The following PCDHGB3 variants were observed in gnomAD, a reference collection of about 807,000 sequenced individuals.
The protein encoded by PCDHGB3 is protocadherin gamma subfamily B, 3, also known as protocadherin gamma-B3.
In PCDHGB3, 40 loss-of-function variants were observed where a neutral mutation model predicts 59.2. That is an observed-to-expected ratio of 0.68 (90% CI 0.52 to 0.88). The LOEUF is 0.88. Ranked by LOEUF, PCDHGB3 falls within the 40% of genes least tolerant of loss-of-function variation. The pLI is 0.00. For missense variants in PCDHGB3, 1,309 were observed against 1,187.9 expected (o/e 1.10, Z -1.50); for synonymous variants, 581 against 503.6 (o/e 1.15, Z -2.06).
intron 1 of PCDHGB3, among the ~76,000 whole-genome samples, chr5:141,450,782 C>T (rs1012152203): frequency 2.0e-5 from 3 of 151,350 alleles, no homozygotes; most frequent in East Asian, 1.9e-4. Flanking sequence ...CCACCGTGCC[C>T]GGACCTCATG....
chr5:141,373,227 T>A (rs545943961), intron 1 of PCDHGB3, among the ~76,000 whole-genome samples: 1 of 152,232 alleles, frequency 6.6e-6, no homozygotes. Flanking sequence ...AACCTGTATA[T>A]AATATTTTTA....
At chr5:141,383,657 A>G in intron 1 of PCDHGB3, 2 of 1,614,058 alleles carry the variant, frequency 1.2e-6, no homozygotes, top group Non-Finnish European at 1.7e-6. Context: ...ACTGTCCCCG[A>G]GAATGTGCCA....
rs1373502908 is a variant in PCDHGB3 at position 141,371,675 on chromosome 5, A to T, written c.1281A>T (p.Lys427Asn). The change falls in exon 1 of 4, where the codon AAA becomes AAT. Residue 427 changes from lysine (K) to asparagine (N), a missense_variant. Coordinates refer to ENST00000576222, the MANE Select transcript of PCDHGB3 (RefSeq NM_018924.5). Reference sequence around the variant, plus strand: ...ATGTGACGATCACAGCTACCGACAAAGGCAATCCACCGCTCTCCTCCAGCA... The same window carrying T: ...ATGTGACGATCACAGCTACCGACAATGGCAATCCACCGCTCTCCTCCAGCA... ...EYNVTITATDKGNPPLSSSKT... is the reference protein window; with the variant it reads ...EYNVTITATDNGNPPLSSSKT... 3 of 1,614,002 alleles carry T rather than the reference A, an allele frequency of 1.9e-6. No homozygotes were observed. Among genetic ancestry groups the T allele is most frequent in the South Asian group, 2.2e-5 (2 of 91,078 alleles).
At chr5:141,421,529 C>T in intron 1 of PCDHGB3, 1 of 1,614,020 alleles carries the variant, frequency 6.2e-7, no homozygotes, top group Non-Finnish European at 8.5e-7. Flanking sequence ...GAGACGGTGT[C>T]CTCCTGTTTT....
rs373421472 is a variant in PCDHGB3, at chr5:141,472,201, A to G, written c.2416-22606A>G. ...GTATTGGAATTTGAATCTTTTTGAC[A>G]CTAAGACCTTACTCTCGATCATATA... is the stretch of plus-strand genomic sequence containing the variant. On this transcript the variant is annotated intron_variant, in intron 1 of 3. Coordinates refer to ENST00000576222, the MANE Select transcript of PCDHGB3 (RefSeq NM_018924.5). Among the ~76,000 whole-genome samples the G allele has an allele frequency of 5.6e-4, 86 of 152,320 alleles. 2 individuals are homozygous for G. The South Asian group carries it at 0.017, about 30-fold the overall frequency.
At chr5:141,408,932 A>C in intron 1 of PCDHGB3, 1 of 1,613,594 alleles carries the variant, frequency 6.2e-7, no homozygotes, top group South Asian at 1.1e-5. Context: ...GGTTTTCAGC[A>C]GAGACGAATA....
At position 141,431,493 on chromosome 5, in the gene PCDHGB3, C is replaced by G. The variant is rs1281626711; in HGVS notation, c.2415+58684C>G. On this transcript the variant is annotated intron_variant, in intron 1 of 3. Transcript: ENST00000576222. The surrounding 1 kb of genome is among the most constrained non-coding windows in gnomAD (Gnocchi z 4.8). ...GACAACGCACCAGCGTTTGCTCAGC[C>G]CGAGTACCGCGCGAGCGTTCCGGAG... 1 of 1,613,994 alleles carries G rather than the reference C, an allele frequency of 6.2e-7. No individual in the cohort carries two copies. The highest frequency in any genetic ancestry group is 8.5e-7 in the Non-Finnish European group (1 of 1,180,042).
chr5:141,434,964 T>C (rs2154556462), intron 1 of PCDHGB3, among the ~76,000 whole-genome samples: 1 of 152,004 alleles, frequency 6.6e-6, no homozygotes, highest in East Asian at 1.9e-4. Context: ...ATTTATAAAA[T>C]TACTTTGTTA....
intron 1 of PCDHGB3, among the ~76,000 whole-genome samples, chr5:141,434,746 C>T (rs1591345130): frequency 6.6e-6 from 1 of 151,796 alleles, no homozygotes; most frequent in South Asian, 2.1e-4. Context: ...GGCTATGAGA[C>T]CCCTGATTCC....
At chr5:141,399,435 A>G (rs568070353) in intron 1 of PCDHGB3, 20 of 1,613,972 alleles carry the variant, frequency 1.2e-5, no homozygotes, top group African/African-American at 9.3e-5. Context: ...GCGTCATCCT[A>G]CATATCAGAG....
At chr5:141,412,367 A>C (rs1055060515) in intron 1 of PCDHGB3, 3 of 152,264 alleles carry the variant, frequency 2.0e-5, no homozygotes, top group Admixed American at 6.5e-5. Flanking sequence ...TTACCTGCTT[A>C]ATCATTTAAA....
chr5:141,388,382 A>T, intron 1 of PCDHGB3: 1 of 1,614,018 alleles, frequency 6.2e-7, no homozygotes, highest in Non-Finnish European at 8.5e-7. Flanking sequence ...GTAGCAACAC[A>T]CTGCAGAATT....
In PCDHGB3 at chr5:141,490,004, CA is replaced by C; in HGVS notation, c.2416-4802del. 1 of 1,614,174 alleles carries C rather than the reference CA, an allele frequency of 6.2e-7. No individual in the cohort carries two copies. Among genetic ancestry groups the C allele is most frequent in the Admixed American group, 1.7e-5 (1 of 60,034 alleles). ...CTACGTGTGGGAATCCCAGAGAATG[CA>C]CCCATTGGTACTCTGCTGCTCCGCC... On this transcript the variant is annotated intron_variant, in intron 1 of 3. Transcript: ENST00000576222. This position sits in a 1 kb window ranked among gnomAD's most constrained non-coding sequence, Gnocchi z 5.4.
chr5:141,490,796 A>G lies in PCDHGB3; in HGVS notation c.2416-4011A>G. ...CCAGAGGATGGACGGATCTTTGCCC[A>G]GCGTACCTTTGACTATGAATTGCTG... On this transcript the variant is annotated intron_variant, in intron 1 of 3. Coordinates refer to ENST00000576222, the MANE Select transcript of PCDHGB3 (RefSeq NM_018924.5). The surrounding 1 kb of genome is among the most constrained non-coding windows in gnomAD (Gnocchi z 5.4). The G allele has an allele frequency of 6.2e-7, 1 of 1,613,978 alleles. No individual in the cohort carries two copies. The highest frequency in any genetic ancestry group is 8.5e-7 in the Non-Finnish European group (1 of 1,179,904).
chr5:141,384,702 C>T lies in PCDHGB3; in HGVS notation c.2415+11893C>T, dbSNP rs115492697. ...CGGTGGACAAAGATTCAGGCCAGAACGCCTGGCTGTCATACCTCCTGCTTA... is the reference window on the plus strand; with the variant it reads ...CGGTGGACAAAGATTCAGGCCAGAATGCCTGGCTGTCATACCTCCTGCTTA... On this transcript the variant is annotated intron_variant, in intron 1 of 3. Coordinates refer to ENST00000576222, the MANE Select transcript of PCDHGB3 (RefSeq NM_018924.5). The T allele has an allele frequency of 1.9e-3, 3,011 of 1,614,186 alleles. 49 individuals carry two copies. The African/African-American group carries it at 0.033, about 18-fold the overall frequency.
Position 141,431,919 on chromosome 5 carries a change from A to C in PCDHGB3, c.2415+59110A>C, listed in dbSNP as rs2097428718. The C allele has an allele frequency of 7.4e-6, 12 of 1,614,040 alleles. No individual in the cohort carries two copies. Among genetic ancestry groups the C allele is most frequent in the Non-Finnish European group, 1.0e-5 (12 of 1,179,980 alleles). On this transcript the variant is annotated intron_variant, in intron 1 of 3. Transcript: ENST00000576222. This position sits in a 1 kb window ranked among gnomAD's most constrained non-coding sequence, Gnocchi z 4.8. ...AACGGACAGGTGATCTGTTTCATCC[A>C]AGGAAATCTGCCCTTTAAATTAGAA... is the stretch of plus-strand genomic sequence containing the variant.
At position 141,444,152 on chromosome 5, in the gene PCDHGB3, A is replaced by ATTTTTTTTTTT. The variant is rs747671382; in HGVS notation, c.2416-50629_2416-50619dup. 8.9e-5 allele frequency among the ~76,000 whole-genome samples: 3 copies of ATTTTTTTTTTT among 33,898 alleles called. 1 individual carries two copies. Among genetic ancestry groups the ATTTTTTTTTTT allele is most frequent in the African/African-American group, 4.2e-4 (3 of 7,184 alleles). 22.2% of individuals were successfully genotyped at this position (33,898 alleles called of 152,430 possible). On this transcript the variant is annotated intron_variant, in intron 1 of 3. Transcript: ENST00000576222. Reference sequence around the variant, plus strand: ...GATATGTGTCACTTGTGTGTACTGGATTTTTTTTTTTTTTTTTTTTTTTTT... The same window carrying ATTTTTTTTTTT: ...GATATGTGTCACTTGTGTGTACTGGATTTTTTTTTTTTTTTTTTTTTTTTTTTTTTTTTTTT...
At chr5:141,418,481 C>G (rs1438009750) in intron 1 of PCDHGB3, 1 of 1,614,006 alleles carries the variant, frequency 6.2e-7, no homozygotes, top group Admixed American at 1.7e-5. Context: ...GCAGAGCGCT[C>G]ACCACTTGGT....
rs375404779 is a variant in PCDHGB3 at position 141,419,760 on chromosome 5, A to T, written c.2415+46951A>T. 11 of 1,613,876 alleles carry T rather than the reference A, an allele frequency of 6.8e-6. No homozygotes were observed. The highest frequency in any genetic ancestry group is 9.3e-6 in the Non-Finnish European group (11 of 1,179,904). On this transcript the variant is annotated intron_variant, in intron 1 of 3. Coordinates refer to ENST00000576222, the MANE Select transcript of PCDHGB3 (RefSeq NM_018924.5). ...GTGCGCATGGTGCGTGCTTTGGGTG[A>T]CAAGGACTCGGTCCGCCAGCGCCTG...
Sources: allele counts gnomAD v4.1 joint callset (sites outside exome capture counted in the v4.1 genomes callset), GRCh38; gene constraint gnomAD v4.1.1; non-coding constraint Gnocchi (gnomAD v3.1); transcripts MANE v1.5; gene names NCBI Gene and HGNC (gene_info 2026-07-23, HGNC 2026-07-21).